The following STXBP5 variants were observed in gnomAD, a reference collection of about 807,000 sequenced individuals.
STXBP5 encodes the protein syntaxin-binding protein 5.
A neutral mutation model predicts 152.4 loss-of-function variants in STXBP5; 50 were observed. The observed-to-expected ratio is 0.33, with a 90% CI of 0.26 to 0.42. STXBP5 has a LOEUF of 0.42. Among genes scored for constraint, STXBP5 ranks in the 10% least tolerant of loss-of-function variants. The probability of loss-of-function intolerance (pLI) is 1.00; values close to 1 mark genes in which losing one functional copy is unlikely to be tolerated. For synonymous variants in STXBP5, 492 were observed against 494.7 expected (o/e 0.99, Z 0.07); for missense variants, 1,167 against 1,388.6 (o/e 0.84, Z 2.54).
intron 4 of STXBP5, among the ~76,000 whole-genome samples, chr6:147,242,352 G>A (rs898837855): frequency 4.6e-5 from 7 of 152,028 alleles, no homozygotes; most frequent in Non-Finnish European, 1.5e-5. Context: ...AAAGTTTACA[G>A]TAAGCTAAGG....
chr6:147,286,311 G>C (rs1340128909), intron 8 of STXBP5, among the ~76,000 whole-genome samples: 1 of 152,080 alleles, frequency 6.6e-6, no homozygotes. Flanking sequence ...AGGGGAAAGG[G>C]ATTATTCTCT....
rs564415854 is a variant in STXBP5 at position 147,230,036 on chromosome 6, T to G, written c.249-5214T>G. 2.0e-4 allele frequency among the ~76,000 whole-genome samples: 30 copies of G among 152,032 alleles called. 1 individual carries two copies. The highest frequency in any genetic ancestry group is 7.2e-4 in the African/African-American group (30 of 41,520). ...CATGTTGAGGAAATTCCCTTCTATT[T>G]CTGGTTTTATTGAGTTGAGAGTTTA... On this transcript the variant is annotated intron_variant, in intron 2 of 27. Transcript: ENST00000321680.
At chr6:147,384,560 G>A (rs1254433724) in intron 27 of STXBP5, among the ~76,000 whole-genome samples, 154 bp from the exon 28 acceptor site, 2 of 152,050 alleles carry the variant, frequency 1.3e-5, no homozygotes, top group African/African-American at 2.4e-5. Context: ...AAATAGAATA[G>A]TTCTTACTGC....
chr6:147,303,195 A>G (rs554787265), intron 9 of STXBP5, among the ~76,000 whole-genome samples: 218 of 152,174 alleles, frequency 1.4e-3, no homozygotes, highest in African/African-American at 5.1e-3. Flanking sequence ...CCCACATCTC[A>G]TCTTGAGTTG....
intron 15 of STXBP5, 30 bp downstream of exon 15, chr6:147,315,765 A>G (rs371926273): frequency 6.3e-7 from 1 of 1,578,394 alleles, no homozygotes; most frequent in Non-Finnish European, 8.7e-7. Context: ...TTTCATGGTC[A>G]AGTTATTTTC....
At chr6:147,227,511 G>C (rs1371576558) in intron 2 of STXBP5, among the ~76,000 whole-genome samples, 1 of 152,000 alleles carries the variant, frequency 6.6e-6, no homozygotes, top group Non-Finnish European at 1.5e-5. Flanking sequence ...ATGAGCATTT[G>C]CCTCATATCT....
Position 147,204,658 on chromosome 6 carries a change from G to T in STXBP5, c.126G>T (p.Gln42His). Residue 42 changes from glutamine (Q) to histidine (H), a missense_variant, in exon 1 of 28, where the codon CAG (glutamine) becomes CAT (histidine). Transcript: ENST00000321680. The surrounding 1 kb of genome is among the most constrained non-coding windows in gnomAD (Gnocchi z 4.3). ...AGCCGGAGATCCAGGAAACGCTCCA[G>T]TCCGAGCACTTTCAGCTCTGCAAGG... The part of the protein sequence containing the change: ...NREPEIQETL[Q>H]SEHFQLCKTV... 6.2e-7 allele frequency: 1 copy of T among 1,608,704 alleles called. No homozygotes were observed. Among genetic ancestry groups the T allele is most frequent in the Non-Finnish European group, 8.5e-7 (1 of 1,177,054 alleles).
chr6:147,371,058 T>C (rs1583007931), intron 25 of STXBP5, among the ~76,000 whole-genome samples: 1 of 151,986 alleles, frequency 6.6e-6, no homozygotes, highest in East Asian at 1.9e-4. Flanking sequence ...ATCAGACAAG[T>C]ATATTTATTT....
chr6:147,249,385 G>A (rs551158859), intron 4 of STXBP5, among the ~76,000 whole-genome samples: 20 of 152,162 alleles, frequency 1.3e-4, no homozygotes, highest in South Asian at 8.3e-4. Flanking sequence ...CGAGGAGTAT[G>A]ATAGAAAAGC....
chr6:147,266,216 T>C (rs1267488101), intron 6 of STXBP5, among the ~76,000 whole-genome samples: 1 of 152,100 alleles, frequency 6.6e-6, no homozygotes, highest in Non-Finnish European at 1.5e-5. Flanking sequence ...ATGGAACTTG[T>C]AGGTCATATT....
chr6:147,344,488 A>G (rs929669174), intron 21 of STXBP5, among the ~76,000 whole-genome samples: 5 of 152,232 alleles, frequency 3.3e-5, no homozygotes, highest in Admixed American at 2.0e-4. Context: ...GGCTTAAACA[A>G]TTCGGGAGGT....
At chr6:147,305,959 A>G (rs1782069899) in intron 9 of STXBP5, among the ~76,000 whole-genome samples, 2 of 152,216 alleles carry the variant, frequency 1.3e-5, no homozygotes, top group Non-Finnish European at 2.9e-5. Context: ...TAATGTAGAC[A>G]ATGTCATATG....
At chr6:147,378,323 T>C (rs1392528242) in intron 26 of STXBP5, among the ~76,000 whole-genome samples, 1 of 149,758 alleles carries the variant, frequency 6.7e-6, no homozygotes, top group Non-Finnish European at 1.5e-5. Context: ...TGAAGTGAAA[T>C]ATTAAGGTAG....
At chr6:147,369,290 C>T (rs1458453051) in intron 25 of STXBP5, among the ~76,000 whole-genome samples, 1 of 151,916 alleles carries the variant, frequency 6.6e-6, no homozygotes, top group Non-Finnish European at 1.5e-5. Flanking sequence ...CAGCTTTGAT[C>T]CACGCTTCAC....
intron 21 of STXBP5, among the ~76,000 whole-genome samples, chr6:147,344,987 A>G (rs950839962): frequency 1.3e-5 from 2 of 152,234 alleles, no homozygotes; most frequent in Non-Finnish European, 2.9e-5. Context: ...GGTATAGTCA[A>G]GTGTTTACTA....
intron 4 of STXBP5, among the ~76,000 whole-genome samples, chr6:147,259,111 T>C (rs1779522490): frequency 6.6e-6 from 1 of 152,178 alleles, no homozygotes; most frequent in Non-Finnish European, 1.5e-5. Flanking sequence ...ATTATTTATA[T>C]ATTTTTAAAA....
At chr6:147,271,242 G>T (rs1233822726) in intron 7 of STXBP5, among the ~76,000 whole-genome samples, 2 of 152,054 alleles carry the variant, frequency 1.3e-5, no homozygotes, top group African/African-American at 4.8e-5. Context: ...ATACAGATAT[G>T]TTGGAAAAAA....
At position 147,380,172 on chromosome 6, in the gene STXBP5, G is replaced by A. The variant is rs905469025; in HGVS notation, c.3194-2606G>A. ...AATACAAAGAATTCAAAATAGCCACGTACACACACACACACACACACACAC... is the reference window on the plus strand; with the variant it reads ...AATACAAAGAATTCAAAATAGCCACATACACACACACACACACACACACAC... On this transcript the variant is annotated intron_variant, in intron 26 of 27. Transcript: ENST00000321680. Among the ~76,000 whole-genome samples, 13 of 70,056 alleles carry A rather than the reference G, an allele frequency of 1.9e-4. No homozygotes were observed. The South Asian group carries it at 3.8e-3, about 20-fold the overall frequency. The allele number at this position is 70,056 out of a possible 152,430, so 46.0% of individuals were successfully genotyped here.
intron 4 of STXBP5, among the ~76,000 whole-genome samples, chr6:147,249,129 T>C (rs2115268381): frequency 6.6e-6 from 1 of 152,294 alleles, no homozygotes; most frequent in East Asian, 1.9e-4. Context: ...GGCTGAAATG[T>C]GGATTTTAGC....
Sources: gnomAD v4.1 joint callset for allele counts (sites outside exome capture counted in the v4.1 genomes callset) on GRCh38, gnomAD v4.1.1 for gene constraint, Gnocchi (gnomAD v3.1) non-coding constraint, MANE v1.5 for transcripts, NCBI Gene and HGNC (gene_info 2026-07-23, HGNC 2026-07-21) for gene names.